The following DLGAP2 variants were observed in gnomAD, a reference collection of about 807,000 sequenced individuals.
DLGAP2 encodes DLG associated protein 2.
DLGAP2 carries 26 observed loss-of-function variants against 100.3 expected under a neutral mutation model. The ratio of observed to expected loss-of-function variants is 0.26; its 90% CI spans 0.19 to 0.36. The LOEUF is 0.36. Ranked by LOEUF, DLGAP2 falls within the 10% of genes least tolerant of loss-of-function variation. The pLI, the probability that DLGAP2 is intolerant of heterozygous loss-of-function variation, is 1.00. For synonymous variants in DLGAP2, 886 were observed against 630.1 expected (o/e 1.41, Z -6.08); for missense variants, 1,858 against 1,453.2 (o/e 1.28, Z -4.53).
chr8:960,272 G>A lies in DLGAP2; in HGVS notation c.73+52306G>A, dbSNP rs140003139. Among the ~76,000 whole-genome samples the A allele has an allele frequency of 0.03, 976 of 32,914 alleles. 8 individuals carry two copies. The Middle Eastern group carries it at 0.4, about 13-fold the overall frequency. 21.6% of individuals were successfully genotyped at this position (32,914 alleles called of 152,430 possible). A position where few individuals can be genotyped will look rare whatever the true frequency, so the allele number is the denominator to read the frequency against. The stretch of plus-strand genomic sequence containing the variant: ...TTTTTTCCCGAGACACTCTCACGCT[G>A]TCGTCCATGCTGGAGTGAAGTGGCA... On this transcript the variant is annotated intron_variant, in intron 2 of 14. Coordinates refer to ENST00000637795, the MANE Select transcript of DLGAP2 (RefSeq NM_001346810.2).
At chr8:948,226 T>C (rs1041700597) in intron 2 of DLGAP2, among the ~76,000 whole-genome samples, 2 of 152,154 alleles carry the variant, frequency 1.3e-5, no homozygotes, top group Admixed American at 1.3e-4. Flanking sequence ...ATTTGGGGCA[T>C]AGGTGGAGGC....
rs777660875 is a variant in DLGAP2, at chr8:1,549,458, C to G, written c.1005C>G (p.Phe335Leu). The G allele has an allele frequency of 1.2e-5, 20 of 1,613,330 alleles. No individual in the cohort carries two copies. The South Asian group carries it at 1.5e-4, about 12-fold the overall frequency. The change falls in exon 5 of 15, where the codon TTC becomes TTG. Residue 335 changes from phenylalanine (F) to leucine (L), a missense_variant. Phe to Leu is a conservative substitution (Grantham distance 22). Transcript: ENST00000637795. ...HCYPDALQSP[F>L]GDLSLKTSKS... Reference sequence around the variant, plus strand: ...ACCCCGACGCGCTGCAGAGCCCCTTCGGGGACCTGTCCCTCAAGACCTCCA... The same window carrying G: ...ACCCCGACGCGCTGCAGAGCCCCTTGGGGGACCTGTCCCTCAAGACCTCCA...
chr8:803,095 T>G (rs914073763), intron 1 of DLGAP2, among the ~76,000 whole-genome samples: 1 of 152,152 alleles, frequency 6.6e-6, no homozygotes, highest in Non-Finnish European at 1.5e-5. Flanking sequence ...TGGTGGCGGC[T>G]TCTGGGCTCC....
chr8:1,251,439 A>G (rs149681122), intron 2 of DLGAP2, among the ~76,000 whole-genome samples: 1 of 152,226 alleles, frequency 6.6e-6, no homozygotes, highest in African/African-American at 2.4e-5. Context: ...CACAAATTGT[A>G]TTTACTGATT....
chr8:1,406,953 C>T (rs565533577), intron 3 of DLGAP2, among the ~76,000 whole-genome samples: 6 of 27,168 alleles, frequency 2.2e-4, no homozygotes, highest in Non-Finnish European at 2.4e-4. Flanking sequence ...TACTGAGCGC[C>T]ACCTCCTTGT....
chr8:1,541,643 C>A (rs992662181), intron 4 of DLGAP2, among the ~76,000 whole-genome samples: 6 of 152,222 alleles, frequency 3.9e-5, no homozygotes, highest in Non-Finnish European at 8.8e-5. Context: ...CGACTGGGAA[C>A]CAGCAGAGCC....
intron 6 of DLGAP2, among the ~76,000 whole-genome samples, chr8:1,567,000 A>AGGGTGGT (rs926876179): frequency 7.2e-5 from 11 of 152,180 alleles, no homozygotes; most frequent in Non-Finnish European, 7.3e-5. Flanking sequence ...CCCTCCACAG[A>AGGGTGGT]GGGTGGTCAG....
intron 7 of DLGAP2, among the ~76,000 whole-genome samples, chr8:1,632,278 G>T (rs1353740817): frequency 6.6e-6 from 1 of 152,218 alleles, no homozygotes; most frequent in Admixed American, 6.5e-5. Flanking sequence ...TGCCGTAATG[G>T]GGATAAGGAG....
chr8:858,887 A>G (rs775382556), intron 1 of DLGAP2, among the ~76,000 whole-genome samples: 2 of 152,196 alleles, frequency 1.3e-5, no homozygotes, highest in Non-Finnish European at 2.9e-5. Flanking sequence ...AGTGGACTTA[A>G]TAATTATCAA....
intron 5 of DLGAP2, among the ~76,000 whole-genome samples, chr8:1,563,853 G>T (rs1002853902): frequency 6.6e-6 from 1 of 152,118 alleles, no homozygotes; most frequent in Non-Finnish European, 1.5e-5. Context: ...CGGCTCACAG[G>T]CAATATGGAC....
At chr8:770,295 G>T (rs904459169) in intron 1 of DLGAP2, among the ~76,000 whole-genome samples, 2 of 152,154 alleles carry the variant, frequency 1.3e-5, no homozygotes, top group East Asian at 1.9e-4. Flanking sequence ...GGATGGAGGT[G>T]TGAGGGAGGC....
chr8:1,647,185 C>T (rs151224525), intron 8 of DLGAP2, among the ~76,000 whole-genome samples: 4 of 152,264 alleles, frequency 2.6e-5, no homozygotes, highest in Admixed American at 1.3e-4. Context: ...GGATCTGGAA[C>T]TGAAGTCTCC....
At chr8:999,465 G>A (rs1382812890) in intron 2 of DLGAP2, among the ~76,000 whole-genome samples, 1 of 150,276 alleles carries the variant, frequency 6.7e-6, no homozygotes, top group Admixed American at 6.6e-5. Context: ...TCTTGGTCTT[G>A]TGGTGGTGGT....
intron 3 of DLGAP2, among the ~76,000 whole-genome samples, chr8:1,347,369 C>G (rs1173542952): frequency 2.0e-5 from 3 of 151,782 alleles, no homozygotes; most frequent in Non-Finnish European, 4.4e-5. Context: ...CCATACACAT[C>G]TGCATTGCTC....
intron 2 of DLGAP2, among the ~76,000 whole-genome samples, chr8:1,037,408 G>C (rs1410625241): frequency 1.1e-4 from 17 of 152,230 alleles, no homozygotes; most frequent in African/African-American, 3.9e-4. Context: ...CATTGACTCA[G>C]ACTGTGAAGG....
chr8:887,193 C>T (rs924598791), intron 1 of DLGAP2, among the ~76,000 whole-genome samples: 2 of 151,792 alleles, frequency 1.3e-5, no homozygotes, highest in Non-Finnish European at 2.9e-5. Context: ...ATTGCAACCC[C>T]TGCTTTTTTT....
intron 1 of DLGAP2, among the ~76,000 whole-genome samples, chr8:892,428 G>C (rs1313089954): frequency 1.3e-5 from 2 of 152,176 alleles, no homozygotes; most frequent in African/African-American, 4.8e-5. Context: ...ACACTATGCT[G>C]AGTGGAATAA....
chr8:1,583,786 T>A (rs1039776008), intron 6 of DLGAP2, among the ~76,000 whole-genome samples: 1 of 152,150 alleles, frequency 6.6e-6, no homozygotes, highest in Admixed American at 6.5e-5. Flanking sequence ...CTCAGCTTTC[T>A]GTTTGAGACC....
intron 2 of DLGAP2, among the ~76,000 whole-genome samples, chr8:1,050,863 G>C (rs35140449): frequency 1.3e-5 from 2 of 151,888 alleles, no homozygotes; most frequent in African/African-American, 2.4e-5. Flanking sequence ...ATTTCCATGC[G>C]GCAGTGTGTG....
Sources: allele counts gnomAD v4.1 joint callset (sites outside exome capture counted in the v4.1 genomes callset), GRCh38; gene constraint gnomAD v4.1.1; transcripts MANE v1.5; gene names NCBI Gene and HGNC (gene_info 2026-07-23, HGNC 2026-07-21).